Variants in CREB5 observed in about 807,000 individuals in gnomAD.
CREB5 encodes the protein cAMP responsive element binding protein 5, also known as cyclic AMP-responsive element-binding protein 5.
A neutral mutation model predicts 57.1 loss-of-function variants in CREB5; 19 were observed. The ratio of observed to expected loss-of-function variants is 0.33; its 90% CI spans 0.23 to 0.49. The LOEUF is 0.49. Ranked by LOEUF, CREB5 falls within the 20% of genes least tolerant of loss-of-function variation. CREB5 has a pLI of 0.99. For synonymous variants in CREB5, 238 were observed against 238.3 expected (o/e 1.00, Z 0.01); for missense variants, 579 against 671.6 (o/e 0.86, Z 1.52).
intron 5 of CREB5, among the ~76,000 whole-genome samples, chr7:28,688,193 T>C (rs1334054226): frequency 2.0e-5 from 3 of 152,198 alleles, no homozygotes; most frequent in African/African-American, 7.2e-5. Context: ...AAAACAAACA[T>C]GGTAAACTTT....
intron 5 of CREB5, among the ~76,000 whole-genome samples, chr7:28,645,885 A>G (rs1379551327): frequency 6.6e-6 from 1 of 152,222 alleles, no homozygotes; most frequent in Non-Finnish European, 1.5e-5. Context: ...CAGGTGGGCC[A>G]TCATCCAATC....
rs1795102094 is a variant in CREB5, at chr7:28,560,848, G to A, written c.292-9517G>A. ...CGCGCGCGCGCGTGTGTGTGTGCGC[G>A]TGTGTGTGTGCGTGTGCCTGCGTGC... On this transcript the variant is annotated intron_variant, in intron 4 of 10. Coordinates refer to ENST00000357727, the MANE Select transcript of CREB5 (RefSeq NM_182898.4). Among the ~76,000 whole-genome samples the A allele has an allele frequency of 4.7e-5, 4 of 84,392 alleles. 1 individual carries two copies. In the South Asian group the frequency reaches 1.6e-3, roughly 34 times the overall value. The allele number at this position is 84,392 out of a possible 152,430, so 55.4% of individuals were successfully genotyped here. A position where few individuals can be genotyped will look rare whatever the true frequency, so the allele number is the denominator to read the frequency against.
chr7:28,468,439 T>C lies in CREB5; in HGVS notation c.4-19736T>C, dbSNP rs528576398. Reference sequence around the variant, plus strand: ...TGAGGACGAGGGCAAGCTTCGATGATTGGATCTGGGACCAGAGACATGGAA... The same window carrying C: ...TGAGGACGAGGGCAAGCTTCGATGACTGGATCTGGGACCAGAGACATGGAA... On this transcript the variant is annotated intron_variant, in intron 1 of 10. Transcript: ENST00000357727. Among the ~76,000 whole-genome samples, 9 of 152,324 alleles carry C rather than the reference T, an allele frequency of 5.9e-5. 1 individual carries two copies. The East Asian group carries it at 1.7e-3, about 29-fold the overall frequency.
intron 7 of CREB5, among the ~76,000 whole-genome samples, chr7:28,777,067 G>A (rs1806699503): frequency 1.3e-5 from 2 of 152,182 alleles, no homozygotes; most frequent in African/African-American, 4.8e-5. Context: ...ATGCCTAGGA[G>A]TAGAATTGCT....
At chr7:28,448,298 TACTTAATA>T (rs1342632659) in intron 1 of CREB5, among the ~76,000 whole-genome samples, 1 of 152,232 alleles carries the variant, frequency 6.6e-6, no homozygotes, top group Non-Finnish European at 1.5e-5. Flanking sequence ...TCTAAGTTAA[TACTTAATA>T]AAGTTCCCTT....
Position 28,804,314 on chromosome 7 carries a change from A to T in CREB5, c.818A>T (p.His273Leu). The T allele has an allele frequency of 1.2e-6, 2 of 1,613,970 alleles. No homozygotes were observed. Among genetic ancestry groups the T allele is most frequent in the East Asian group, 2.2e-5 (1 of 44,876 alleles). ...GSRQDQTPHH[H>L]MHSHPHQHQT... ...CGGCAGGACCAGACGCCACACCATC[A>T]CATGCACTCGCACCCGCATCAGCAC... Residue 273 changes from histidine to leucine, a missense_variant, in exon 8 of 11, where the codon CAC (histidine) becomes CTC (leucine). Around this residue, in one of 3 missense-constraint regions of CREB5, gnomAD observed 459 missense variants for 515.7 expected, o/e 0.89. Coordinates refer to ENST00000357727, the MANE Select transcript of CREB5 (RefSeq NM_182898.4).
intron 5 of CREB5, among the ~76,000 whole-genome samples, chr7:28,597,293 G>A (rs1796721814): frequency 6.6e-6 from 1 of 152,176 alleles, no homozygotes; most frequent in African/African-American, 2.4e-5. Flanking sequence ...ACCAGGAGCA[G>A]CCATCCTCTC....
intron 3 of CREB5, among the ~76,000 whole-genome samples, chr7:28,496,660 G>T (rs916486721): frequency 6.6e-6 from 1 of 152,082 alleles, no homozygotes; most frequent in Admixed American, 6.6e-5. Context: ...CAATACTCCC[G>T]GTGTCGGAGC....
intron 5 of CREB5, among the ~76,000 whole-genome samples, chr7:28,657,717 G>GAAAAAAAAA (rs59307921): frequency 1.5e-4 from 8 of 54,034 alleles, no homozygotes; most frequent in Non-Finnish European, 2.5e-4. Context: ...ACTCTCTCTC[G>GAAAAAAAAA]AAAAAAAAAA....
At chr7:28,654,096 T>A (rs765593032) in intron 5 of CREB5, among the ~76,000 whole-genome samples, 7 of 152,204 alleles carry the variant, frequency 4.6e-5, no homozygotes, top group Non-Finnish European at 8.8e-5. Context: ...CCTGTGAAGT[T>A]CCAGATACAC....
intron 7 of CREB5, among the ~76,000 whole-genome samples, chr7:28,732,268 A>G (rs1252419236): frequency 6.6e-6 from 1 of 152,052 alleles, no homozygotes; most frequent in Non-Finnish European, 1.5e-5. Context: ...TTTGGTAACC[A>G]CGGCAACTGG....
chr7:28,645,309 G>A (rs1460328198), intron 5 of CREB5, among the ~76,000 whole-genome samples: 5 of 152,216 alleles, frequency 3.3e-5, no homozygotes, highest in East Asian at 1.9e-4. Flanking sequence ...GACTGGAAAT[G>A]TAATCTCTCT....
intron 5 of CREB5, among the ~76,000 whole-genome samples, chr7:28,611,615 G>A (rs1797388999): frequency 6.6e-6 from 1 of 150,734 alleles, no homozygotes; most frequent in Non-Finnish European, 1.5e-5. Flanking sequence ...GCCAGAGGTT[G>A]CAGTAAGCTG....
intron 5 of CREB5, among the ~76,000 whole-genome samples, chr7:28,713,820 T>G (rs183854562): frequency 3.9e-5 from 6 of 152,320 alleles, no homozygotes; most frequent in Admixed American, 6.5e-5. Flanking sequence ...GTCAATAACT[T>G]TAATAACAAT....
intron 9 of CREB5, among the ~76,000 whole-genome samples, chr7:28,815,820 A>G (rs1809406330): frequency 6.6e-6 from 1 of 152,162 alleles, no homozygotes; most frequent in Non-Finnish European, 1.5e-5. Context: ...TAAGAAAGCA[A>G]GAGAACCCAG....
intron 1 of CREB5, among the ~76,000 whole-genome samples, chr7:28,421,610 C>CT (rs1788248488): frequency 6.6e-6 from 1 of 151,824 alleles, no homozygotes; most frequent in Non-Finnish European, 1.5e-5. Flanking sequence ...AAGCTAGGCA[C>CT]GTAACACTGC....
chr7:28,672,186 AAAACACACAC>A (rs1800082503), intron 5 of CREB5, among the ~76,000 whole-genome samples: 1 of 141,882 alleles, frequency 7.0e-6, no homozygotes, highest in Non-Finnish European at 1.6e-5. Flanking sequence ...AAAAAAAAAA[AAAACACACAC>A]ACACACACAC....
rs367869558 is a variant in CREB5, at chr7:28,618,561, T to C, written c.464+48024T>C. ...ACTTTTCAGGGCTCCAGGCTGCCTGTTGGCTCTGTCTAGGTAATCCTGCGG... is the reference window on the plus strand; with the variant it reads ...ACTTTTCAGGGCTCCAGGCTGCCTGCTGGCTCTGTCTAGGTAATCCTGCGG... On this transcript the variant is annotated intron_variant, in intron 5 of 10. Transcript: ENST00000357727. 2.6e-4 allele frequency among the ~76,000 whole-genome samples: 40 copies of C among 152,338 alleles called. No homozygotes were observed. The South Asian group carries it at 8.1e-3, about 31-fold the overall frequency.
intron 5 of CREB5, among the ~76,000 whole-genome samples, chr7:28,682,368 G>A (rs941473082): frequency 6.6e-6 from 1 of 152,240 alleles, no homozygotes; most frequent in Non-Finnish European, 1.5e-5. Context: ...AATGCTGAAT[G>A]ACACCATGTG....
Sources: allele counts gnomAD v4.1 joint callset (sites outside exome capture counted in the v4.1 genomes callset), GRCh38; gene constraint gnomAD v4.1.1; regional missense constraint gnomAD v4.1.1; transcripts MANE v1.5; gene names NCBI Gene and HGNC (gene_info 2026-07-23, HGNC 2026-07-21).